Variants in ANKRD62 observed in about 807,000 individuals in gnomAD.
ANKRD62 encodes ankyrin repeat domain-containing protein 62.
Under a neutral mutation model 98.8 loss-of-function variants are expected in ANKRD62, and 61 were observed. That is an observed-to-expected ratio of 0.62 (90% CI 0.50 to 0.76). The LOEUF (loss-of-function observed/expected upper bound fraction) is 0.76. ANKRD62 is among the 30% of genes least tolerant of loss of function. The pLI, the probability that ANKRD62 is intolerant of heterozygous loss-of-function variation, is 0.00. For synonymous variants in ANKRD62, 341 were observed against 367.9 expected (o/e 0.93, Z 0.84); for missense variants, 933 against 1,082.9 (o/e 0.86, Z 1.94).
rs1445777571 is a variant in ANKRD62, at chr18:12,097,733, T to C, written c.708T>C (p.Ser236=). 4 of 1,536,116 alleles carry C rather than the reference T, an allele frequency of 2.6e-6. No homozygotes were observed. The highest frequency in any genetic ancestry group is 2.0e-5 in the Admixed American group (1 of 51,000). The part of the protein sequence containing the change: ...HNIDVFCQDI[S]GWTAEDYAVA... ...TTGATGTCTTTTGCCAAGATATATC[T>C]GGATGGACTGCAGAAGACTACGCTG... Residue 236 remains serine, a synonymous_variant, in exon 5 of 14, where the codon TCT becomes TCC. Coordinates refer to ENST00000587848, the MANE Select transcript of ANKRD62 (RefSeq NM_001277333.2).
At chr18:12,115,600 A>C (rs1440007409) in intron 10 of ANKRD62, 66 bp downstream of exon 10, 1 of 1,375,520 alleles carries the variant, frequency 7.3e-7, no homozygotes, top group Admixed American at 2.4e-5. Context: ...CATATTGCTT[A>C]GCACGGCACC....
chr18:12,123,040 G>T (rs11659489), intron 11 of ANKRD62, among the ~76,000 whole-genome samples: 47 of 143,624 alleles, frequency 3.3e-4, no homozygotes, highest in East Asian at 1.4e-3. Context: ...AGTTTTTTTT[G>T]TTTGTTTGTT....
At chr18:12,137,744 C>T in the ANKRD62 span, among the ~76,000 whole-genome samples, 2 of 152,162 alleles carry the variant, frequency 1.3e-5, no homozygotes, top group African/African-American at 4.8e-5. Flanking sequence ...TTGGTCTATT[C>T]AGAGATTCAA....
At chr18:12,136,704 T>G in the ANKRD62 span, among the ~76,000 whole-genome samples, 1 of 152,206 alleles carries the variant, frequency 6.6e-6, no homozygotes, top group Non-Finnish European at 1.5e-5. Context: ...TTTGTTTGTA[T>G]CCTCTTTTAT....
chr18:12,157,637 A>T, the ANKRD62 span, among the ~76,000 whole-genome samples: 1 of 152,138 alleles, frequency 6.6e-6, no homozygotes, highest in South Asian at 2.1e-4. Context: ...TTGTGCTCAG[A>T]TTCTGCCTCG....
Position 12,104,325 on chromosome 18 carries a change from A to G in ANKRD62, c.891+1097A>G, listed in dbSNP as rs141298524. 4.2e-3 allele frequency among the ~76,000 whole-genome samples: 636 copies of G among 152,196 alleles called. 9 individuals carry two copies. Among genetic ancestry groups the G allele is most frequent in the African/African-American group, 0.014 (600 of 41,556 alleles). On this transcript the variant is annotated intron_variant, in intron 7 of 13. Transcript: ENST00000587848. Reference sequence around the variant, plus strand: ...ATAGATTAAGAAATTTAACAGTTAAATTTTCATTTTTTCATACTTCATTAT... The same window carrying G: ...ATAGATTAAGAAATTTAACAGTTAAGTTTTCATTTTTTCATACTTCATTAT...
chr18:12,133,975 C>G (rs1910042610), downstream of ANKRD62, among the ~76,000 whole-genome samples: 2 of 152,110 alleles, frequency 1.3e-5, no homozygotes, highest in Admixed American at 1.3e-4. Context: ...CAAATAATTT[C>G]CCACTTTACT....
chr18:12,105,346 G>A (rs1253921386), intron 7 of ANKRD62, among the ~76,000 whole-genome samples: 1 of 152,170 alleles, frequency 6.6e-6, no homozygotes, highest in Non-Finnish European at 1.5e-5. Context: ...AGCATTAAAA[G>A]TACATCTAGA....
At chr18:12,097,542 A>G (rs1408764796) in intron 4 of ANKRD62, 98 bp from the exon 5 acceptor site, 2 of 1,289,896 alleles carry the variant, frequency 1.6e-6, no homozygotes, top group East Asian at 2.5e-5. Flanking sequence ...GGTTAATTCT[A>G]CATGGACAGG....
chr18:12,100,769 A>G (rs1909283890), intron 6 of ANKRD62, among the ~76,000 whole-genome samples: 1 of 152,204 alleles, frequency 6.6e-6, no homozygotes, highest in African/African-American at 2.4e-5. Context: ...AATGAGATAT[A>G]TTTACTTCGT....
In ANKRD62 at chr18:12,096,288, A is replaced by G. The variant is rs1909181203; in HGVS notation, c.600A>G (p.Ile200Met). The change falls in exon 4 of 14, where the codon ATA becomes ATG. Residue 200 changes from isoleucine (I) to methionine (M), a missense_variant. Coordinates refer to ENST00000587848, the MANE Select transcript of ANKRD62 (RefSeq NM_001277333.2). ...AGAAAAAACCAGATTTAACTGCAAT[A>G]GATAATTTTGGAAGGTACAGTAGTT... ...LLKKKPDLTA[I>M]DNFGRTALIL... The G allele has an allele frequency of 2.0e-6, 3 of 1,528,470 alleles. No individual in the cohort carries two copies. Among genetic ancestry groups the G allele is most frequent in the Non-Finnish European group, 2.6e-6 (3 of 1,140,184 alleles). The allele number at this position is 1,528,470 out of a possible 1,614,324, so 94.7% of individuals were successfully genotyped here.
intron 9 of ANKRD62, 93 bp from the exon 10 acceptor site, chr18:12,115,300 A>G (rs1909637018): frequency 2.8e-5 from 37 of 1,333,264 alleles, no homozygotes; most frequent in Admixed American, 8.7e-5. Context: ...GTTTTTGCTC[A>G]TGTAAAAAGA....
chr18:12,153,166 A>G, the ANKRD62 span, among the ~76,000 whole-genome samples: 2 of 152,242 alleles, frequency 1.3e-5, no homozygotes, highest in East Asian at 3.8e-4. Context: ...ACACAGACAA[A>G]TGTAAAAGCT....
the ANKRD62 span, among the ~76,000 whole-genome samples, chr18:12,154,529 G>T: frequency 6.6e-6 from 1 of 152,174 alleles, no homozygotes; most frequent in African/African-American, 2.4e-5. Context: ...GTGGAAAGCC[G>T]TATGGTGAGT....
intron 1 of ANKRD62, 44 bp from the exon 2 acceptor site, chr18:12,095,127 G>A (rs1226990514): frequency 7.3e-7 from 1 of 1,368,562 alleles, no homozygotes; most frequent in South Asian, 1.2e-5. Context: ...TATGTTTTGG[G>A]ACTGTGCACT....
chr18:12,170,437 G>T, the ANKRD62 span, among the ~76,000 whole-genome samples: 1 of 152,176 alleles, frequency 6.6e-6, no homozygotes, highest in African/African-American at 2.4e-5. Flanking sequence ...TAGTTGTGTG[G>T]TTTTGAGTGA....
the ANKRD62 span, among the ~76,000 whole-genome samples, chr18:12,136,600 T>G: frequency 3.7e-4 from 56 of 152,332 alleles, no homozygotes; most frequent in African/African-American, 1.3e-3. Flanking sequence ...GGTAGCTTGA[T>G]GGGGATGGCA....
chr18:12,159,066 A>T, the ANKRD62 span, among the ~76,000 whole-genome samples: 472 of 152,332 alleles, frequency 3.1e-3, 3 homozygotes, highest in African/African-American at 9.9e-3. Flanking sequence ...CAAGACACTG[A>T]ACACAGCAGA....
At chr18:12,160,672 T>C in the ANKRD62 span, among the ~76,000 whole-genome samples, 5 of 152,220 alleles carry the variant, frequency 3.3e-5, no homozygotes, top group East Asian at 1.9e-4. Flanking sequence ...GCAGCTCTTA[T>C]AAGGCTGCTT....
Sources: gnomAD v4.1 joint callset for allele counts (sites outside exome capture counted in the v4.1 genomes callset) on GRCh38, gnomAD v4.1.1 for gene constraint, MANE v1.5 for transcripts, NCBI Gene and HGNC (gene_info 2026-07-23, HGNC 2026-07-21) for gene names.